PHF14: variants seen among roughly 807,000 people sequenced by gnomAD.
PHF14 encodes PHD finger protein 14.
In PHF14, 55 loss-of-function variants were observed where a neutral mutation model predicts 117.9. The observed-to-expected ratio is 0.47, with a 90% confidence interval of 0.38 to 0.58. The LOEUF is 0.58. Ranked by LOEUF, PHF14 falls within the 20% of genes least tolerant of loss-of-function variation. The probability of loss-of-function intolerance (pLI) is 0.00; values close to 1 mark genes in which losing one functional copy is unlikely to be tolerated. For missense variants in PHF14, 978 were observed against 1,122.2 expected, an observed-to-expected ratio of 0.87 and a Z score of 1.84; for synonymous variants, 409 against 368.6, an observed-to-expected ratio of 1.11 and a Z score of -1.26.
At chr7:10,987,399 T>C (rs1782262390) in intron 3 of PHF14, among the ~76,000 whole-genome samples, 1 of 152,138 alleles carries the variant, frequency 6.6e-6, no homozygotes, top group Non-Finnish European at 1.5e-5. Context: ...GCCTATTGTA[T>C]ATATCATTTA....
At chr7:11,069,912 A>G (rs1176053170) in intron 16 of PHF14, among the ~76,000 whole-genome samples, 5 of 150,918 alleles carry the variant, frequency 3.3e-5, no homozygotes, top group African/African-American at 4.9e-5. Flanking sequence ...GGCCTTCTGA[A>G]TGGAGTTGGA....
At chr7:11,141,268 G>A (rs1296876847) in intron 17 of PHF14, among the ~76,000 whole-genome samples, 1 of 151,914 alleles carries the variant, frequency 6.6e-6, no homozygotes, top group Non-Finnish European at 1.5e-5. Context: ...TTTCTGTCAG[G>A]GTTATCTCTG....
intron 17 of PHF14, among the ~76,000 whole-genome samples, chr7:11,111,875 A>G (rs529075733): frequency 6.8e-6 from 1 of 147,496 alleles, no homozygotes; most frequent in Non-Finnish European, 1.5e-5. Context: ...TTAAAATATA[A>G]TATATTGTAA....
chr7:11,002,930 A>G (rs775098055), intron 4 of PHF14, among the ~76,000 whole-genome samples: 5 of 151,832 alleles, frequency 3.3e-5, no homozygotes, highest in Non-Finnish European at 7.4e-5. Context: ...CAGCTCTTCT[A>G]CTGTCTTCAG....
intron 4 of PHF14, among the ~76,000 whole-genome samples, chr7:10,993,529 T>G (rs1215086434): frequency 6.6e-6 from 1 of 152,194 alleles, no homozygotes; most frequent in African/African-American, 2.4e-5. Context: ...TTTAGGCATA[T>G]GAAATAGAAT....
chr7:11,070,792 A>G (rs947717448), intron 16 of PHF14, among the ~76,000 whole-genome samples: 4 of 152,358 alleles, frequency 2.6e-5, no homozygotes, highest in South Asian at 2.1e-4. Context: ...GTCTAATGCA[A>G]TATGGCTCAG....
intron 16 of PHF14, among the ~76,000 whole-genome samples, chr7:11,071,733 C>T (rs1299088062): frequency 1.3e-5 from 2 of 152,290 alleles, no homozygotes; most frequent in Non-Finnish European, 2.9e-5. Flanking sequence ...ACTGGTTTCT[C>T]ATAGCCCTGA....
intron 16 of PHF14, chr7:11,104,107 C>T (rs1787179038): frequency 1.0e-6 from 1 of 984,644 alleles, no homozygotes; most frequent in South Asian, 4.7e-5. Context: ...CTCGCAGTTG[C>T]TTTATTTTAG....
intron 6 of PHF14, among the ~76,000 whole-genome samples, chr7:11,027,034 C>T (rs373706841): frequency 2.6e-5 from 4 of 151,906 alleles, no homozygotes; most frequent in Admixed American, 2.0e-4. Context: ...ATGATTCAGG[C>T]GATTGAGGAA....
In PHF14 at chr7:11,061,730, A is replaced by T. The variant is rs73678573; in HGVS notation, c.2482-61A>T. 2.8e-3 allele frequency: 3,429 copies of T among 1,213,122 alleles called. 77 individuals are homozygous for T. In the African/African-American group the frequency reaches 0.048, roughly 17 times the overall value. 75.1% of individuals were successfully genotyped at this position (1,213,122 alleles called of 1,614,324 possible). A position where few individuals can be genotyped will look rare whatever the true frequency, so the allele number is the denominator to read the frequency against. ...ACAGAGGAAATTTATATTTATTATT[A>T]ATTAAACATTAGATATACTGTGGAT... On this transcript the variant is annotated intron_variant, in intron 14 of 17. Coordinates refer to ENST00000634607, the MANE Select transcript of PHF14 (RefSeq NM_001007157.2).
chr7:11,003,514 A>G (rs539069393), intron 4 of PHF14, among the ~76,000 whole-genome samples: 37 of 152,290 alleles, frequency 2.4e-4, no homozygotes, highest in African/African-American at 8.4e-4. Flanking sequence ...CAGGTATACA[A>G]TATGTTGTTA....
intron 16 of PHF14, among the ~76,000 whole-genome samples, chr7:11,079,152 C>CTA (rs981478785): frequency 7.9e-5 from 12 of 152,168 alleles, no homozygotes; most frequent in Admixed American, 2.6e-4. Flanking sequence ...CTAAACATAC[C>CTA]TATATATATA....
intron 4 of PHF14, among the ~76,000 whole-genome samples, chr7:11,002,449 T>A (rs1782909826): frequency 8.4e-6 from 1 of 119,700 alleles, no homozygotes; most frequent in Non-Finnish European, 2.1e-5. Flanking sequence ...TTTATTTATT[T>A]ATTTTTGAGA....
chr7:11,072,193 A>T (rs533745830), intron 16 of PHF14, among the ~76,000 whole-genome samples: 2 of 152,304 alleles, frequency 1.3e-5, no homozygotes, highest in African/African-American at 4.8e-5. Context: ...GGCAGAAAGC[A>T]AAGGGGGTAA....
chr7:11,033,686 A>G (rs1280768455), intron 7 of PHF14, among the ~76,000 whole-genome samples: 2 of 152,124 alleles, frequency 1.3e-5, no homozygotes, highest in Non-Finnish European at 2.9e-5. Context: ...TCTTGGTCCA[A>G]ATGCTTAACT....
chr7:11,090,613 A>G (rs373703371), intron 16 of PHF14, among the ~76,000 whole-genome samples: 1 of 152,174 alleles, frequency 6.6e-6, no homozygotes, highest in South Asian at 2.1e-4. Context: ...ACTTTTTCCA[A>G]AGCTTGTAAC....
chr7:11,109,669 T>C (rs1787378177), intron 16 of PHF14: 1 of 151,892 alleles, frequency 6.6e-6, no homozygotes, highest in South Asian at 2.1e-4. Flanking sequence ...CCAGTCTCTT[T>C]ATGTCACATT....
At chr7:11,142,826 CAA>C (rs1378158650) in intron 17 of PHF14, among the ~76,000 whole-genome samples, 1 of 151,972 alleles carries the variant, frequency 6.6e-6, no homozygotes, top group African/African-American at 2.4e-5. Context: ...TTTTCAGAAA[CAA>C]ATTGTTATTC....
chr7:11,046,769 G>C (rs1396247143), intron 13 of PHF14, among the ~76,000 whole-genome samples: 3 of 152,066 alleles, frequency 2.0e-5, no homozygotes, highest in South Asian at 2.1e-4. Flanking sequence ...TGTCTGAGAA[G>C]AATGATATTT....
Sources: allele counts gnomAD v4.1 joint callset (sites outside exome capture counted in the v4.1 genomes callset), GRCh38; gene constraint gnomAD v4.1.1; transcripts MANE v1.5; gene names NCBI Gene and HGNC (gene_info 2026-07-23, HGNC 2026-07-21).